The following MITF variants were observed in gnomAD, a reference collection of about 807,000 sequenced individuals.
MITF encodes the protein melanocyte inducing transcription factor.
Under a neutral mutation model 60.5 loss-of-function variants are expected in MITF, and 17 were observed. The ratio of observed to expected loss-of-function variants is 0.28; its 90% confidence interval spans 0.19 to 0.42. MITF has a LOEUF of 0.42. MITF is among the 10% of genes least tolerant of loss of function. MITF has a pLI of 1.00. For synonymous variants in MITF, 260 were observed against 248.5 expected, an observed-to-expected ratio of 1.05 and a Z score of -0.43; for missense variants, 622 against 683.5, an observed-to-expected ratio of 0.91 and a Z score of 1.00.
chr3:69,955,948 G>C (rs1396635680), intron 7 of MITF, among the ~76,000 whole-genome samples: 1 of 152,100 alleles, frequency 6.6e-6, no homozygotes, highest in African/African-American at 2.4e-5. Context: ...GTTATATTTT[G>C]AATTTTGTCA....
At chr3:69,937,587 A>G (rs923730007) in intron 2 of MITF, among the ~76,000 whole-genome samples, 11 of 152,212 alleles carry the variant, frequency 7.2e-5, no homozygotes, top group Non-Finnish European at 1.5e-4. Flanking sequence ...AAAGAGACGT[A>G]TAGTTAATTA....
intron 2 of MITF, among the ~76,000 whole-genome samples, chr3:69,931,710 A>G (rs1358573629): frequency 2.6e-5 from 4 of 152,226 alleles, no homozygotes; most frequent in Non-Finnish European, 5.9e-5. Context: ...ATAAATGTAT[A>G]TATATTTATT....
chr3:69,857,039 G>C (rs1158055531), intron 1 of MITF, among the ~76,000 whole-genome samples: 1 of 151,866 alleles, frequency 6.6e-6, no homozygotes, highest in Non-Finnish European at 1.5e-5. Flanking sequence ...TAACCTATTG[G>C]TGAATAGTTA....
chr3:69,882,154 T>C (rs545595478), intron 2 of MITF, among the ~76,000 whole-genome samples: 3 of 152,306 alleles, frequency 2.0e-5, no homozygotes, highest in Non-Finnish European at 4.4e-5. Context: ...AATATGAAGC[T>C]TTATAAAGCA....
chr3:69,868,825 G>C (rs1463384298), intron 1 of MITF, among the ~76,000 whole-genome samples: 2 of 151,738 alleles, frequency 1.3e-5, no homozygotes, highest in Non-Finnish European at 2.9e-5. Context: ...CTTGAACCTG[G>C]GAGGTGGAGG....
chr3:69,774,734 C>A (rs1358589161), intron 1 of MITF, among the ~76,000 whole-genome samples: 1 of 152,076 alleles, frequency 6.6e-6, no homozygotes, highest in Non-Finnish European at 1.5e-5. Context: ...GTGTGGGGTG[C>A]TAGAGGCCTT....
chr3:69,766,066 C>G (rs959100429), intron 1 of MITF, among the ~76,000 whole-genome samples: 1 of 151,966 alleles, frequency 6.6e-6, no homozygotes, highest in African/African-American at 2.4e-5. Flanking sequence ...GTAGAAAATG[C>G]CACTAAATAT....
intron 1 of MITF, among the ~76,000 whole-genome samples, chr3:69,784,013 A>G (rs1219314960): frequency 6.6e-6 from 1 of 152,052 alleles, no homozygotes; most frequent in Non-Finnish European, 1.5e-5. Flanking sequence ...CCTTTCAAAT[A>G]TATTAGAGAC....
At chr3:69,749,403 T>C (rs909492670) in intron 1 of MITF, among the ~76,000 whole-genome samples, 2 of 152,250 alleles carry the variant, frequency 1.3e-5, no homozygotes, top group Non-Finnish European at 2.9e-5. Context: ...TTTGCTCTGC[T>C]GTATTGGTGA....
In MITF at chr3:69,966,124, G is replaced by C. The variant is rs1239993938; in HGVS notation, c.*876G>C. 1.3e-5 allele frequency: 3 copies of C among 232,138 alleles called. No homozygotes were observed. The highest frequency in any genetic ancestry group is 6.6e-5 in the African/African-American group (3 of 45,158). The allele number at this position is 232,138 out of a possible 1,614,324, so 14.4% of individuals were successfully genotyped here. A position where few individuals can be genotyped will look rare whatever the true frequency, so the allele number is the denominator to read the frequency against. On this transcript the variant is annotated 3_prime_UTR_variant, in exon 10 of 10. Coordinates refer to ENST00000352241, the MANE Select transcript of MITF (RefSeq NM_001354604.2). The stretch of plus-strand genomic sequence containing the variant: ...ACCGAACTGGGCATATTTCTAATTG[G>C]CTTTACTATTTTTATTTTTAAATTA...
intron 2 of MITF, among the ~76,000 whole-genome samples, chr3:69,885,587 A>C (rs766423445): frequency 1.4e-4 from 21 of 152,106 alleles, no homozygotes; most frequent in Non-Finnish European, 2.9e-4. Context: ...AAAGAGTCTT[A>C]GATGTTACAA....
chr3:69,773,541 A>G (rs972589308), intron 1 of MITF, among the ~76,000 whole-genome samples: 20 of 152,126 alleles, frequency 1.3e-4, no homozygotes, highest in Non-Finnish European at 2.5e-4. Context: ...TTATAAAACA[A>G]TGCTTGTGGG....
intron 1 of MITF, among the ~76,000 whole-genome samples, chr3:69,763,404 T>G (rs138193081): frequency 1.3e-5 from 2 of 152,348 alleles, no homozygotes; most frequent in African/African-American, 2.4e-5. Context: ...AACCTGTTGA[T>G]GTAAAGTCTA....
intron 1 of MITF, among the ~76,000 whole-genome samples, chr3:69,862,951 A>G (rs995091278): frequency 6.6e-6 from 1 of 152,128 alleles, no homozygotes; most frequent in African/African-American, 2.4e-5. Flanking sequence ...GTCTGTGTTT[A>G]AACTTAGGAT....
chr3:69,798,427 G>T (rs1478891747), intron 1 of MITF, among the ~76,000 whole-genome samples: 3 of 152,174 alleles, frequency 2.0e-5, no homozygotes, highest in African/African-American at 7.2e-5. Flanking sequence ...ATTCAGAGTT[G>T]TTGTGAGGAA....
chr3:69,884,872 C>A (rs553302253), intron 2 of MITF, among the ~76,000 whole-genome samples: 47 of 152,098 alleles, frequency 3.1e-4, no homozygotes, highest in South Asian at 2.1e-3. Flanking sequence ...AAGAGCAGAC[C>A]GATGAGACCA....
chr3:69,848,206 G>A (rs559926027), intron 1 of MITF, among the ~76,000 whole-genome samples: 3 of 152,334 alleles, frequency 2.0e-5, no homozygotes, highest in Admixed American at 1.3e-4. Flanking sequence ...TGCTTTTCAA[G>A]TGAGGGGAAC....
chr3:69,777,859 TG>T (rs2062499493), intron 1 of MITF, among the ~76,000 whole-genome samples: 1 of 152,006 alleles, frequency 6.6e-6, no homozygotes. Context: ...TTTTAAGCCA[TG>T]GTAAGAAGGG....
chr3:69,805,872 A>G, intron 1 of MITF, among the ~76,000 whole-genome samples: 1 of 152,046 alleles, frequency 6.6e-6, no homozygotes, highest in Admixed American at 6.6e-5. Context: ...TGTTTTCCAG[A>G]CTGGTCTCAA....
Sources: allele counts gnomAD v4.1 joint callset (sites outside exome capture counted in the v4.1 genomes callset), GRCh38; gene constraint gnomAD v4.1.1; transcripts MANE v1.5; gene names NCBI Gene and HGNC (gene_info 2026-07-23, HGNC 2026-07-21).